The following DOCK4 variants were observed in gnomAD, a reference collection of about 807,000 sequenced individuals.
DOCK4 encodes the protein dedicator of cytokinesis protein 4.
DOCK4 carries 97 observed loss-of-function variants against 268.1 expected under a neutral mutation model. That is an observed-to-expected ratio of 0.36 (90% CI 0.31 to 0.43). The LOEUF (loss-of-function observed/expected upper bound fraction) is 0.43, where lower values mean the gene tolerates loss of function less well. DOCK4 is among the 20% of genes least tolerant of loss of function. The pLI, the probability that DOCK4 is intolerant of heterozygous loss-of-function variation, is 1.00. For missense variants in DOCK4, 2,145 were observed against 2,455.7 expected (o/e 0.87, Z 2.67); for synonymous variants, 954 against 887.2 (o/e 1.08, Z -1.34).
chr7:111,918,166 T>A (rs879185478), intron 12 of DOCK4, among the ~76,000 whole-genome samples: 1 of 152,168 alleles, frequency 6.6e-6, no homozygotes, highest in East Asian at 1.9e-4. Flanking sequence ...CGGAGCTAGA[T>A]GAGGGGCAAT....
chr7:112,108,973 T>C (rs1811385588), intron 1 of DOCK4, among the ~76,000 whole-genome samples: 2 of 152,124 alleles, frequency 1.3e-5, no homozygotes, highest in Non-Finnish European at 2.9e-5. Context: ...GTTTTTTTTT[T>C]ACTGGGGGAG....
chr7:111,863,601 T>C, intron 22 of DOCK4, 37 bp from the exon 23 acceptor site: 1 of 1,539,338 alleles, frequency 6.5e-7, no homozygotes, highest in Non-Finnish European at 8.8e-7. Flanking sequence ...AACTCCCAGA[T>C]ACGCCATGAG....
At chr7:112,145,875 G>C (rs1490847774) in intron 1 of DOCK4, among the ~76,000 whole-genome samples, 1 of 152,088 alleles carries the variant, frequency 6.6e-6, no homozygotes, top group Non-Finnish European at 1.5e-5. Context: ...GAGCAAGTAT[G>C]TAAAAATATA....
At chr7:111,753,824 G>C (rs1342583169) in intron 42 of DOCK4, among the ~76,000 whole-genome samples, 1 of 152,194 alleles carries the variant, frequency 6.6e-6, no homozygotes, top group African/African-American at 2.4e-5. Context: ...TTAAGAGTGG[G>C]CTGTGTTCAG....
intron 49 of DOCK4, among the ~76,000 whole-genome samples, chr7:111,737,991 C>T (rs1795623428): frequency 6.6e-6 from 1 of 152,242 alleles, no homozygotes; most frequent in East Asian, 1.9e-4. Flanking sequence ...AGCCAAATCC[C>T]ACTCTCTCTC....
intron 30 of DOCK4, among the ~76,000 whole-genome samples, chr7:111,793,755 C>T (rs949919652): frequency 6.6e-6 from 1 of 152,236 alleles, no homozygotes; most frequent in Middle Eastern, 3.4e-3. Context: ...TGGTTCAACG[C>T]CTGCAGTCCC....
At chr7:111,852,940 T>A (rs937645620) in intron 23 of DOCK4, among the ~76,000 whole-genome samples, 3 of 152,228 alleles carry the variant, frequency 2.0e-5, no homozygotes, top group African/African-American at 7.2e-5. Context: ...AACAACAGAA[T>A]CTGCCGTGCA....
chr7:111,953,334 AT>A (rs1416815115), intron 8 of DOCK4, among the ~76,000 whole-genome samples: 4 of 152,210 alleles, frequency 2.6e-5, no homozygotes, highest in Non-Finnish European at 4.4e-5. Context: ...GGACGAAGGA[AT>A]AATGAGAAGA....
At chr7:111,736,253 A>T (rs1795464203) in intron 50 of DOCK4, among the ~76,000 whole-genome samples, 1 of 152,100 alleles carries the variant, frequency 6.6e-6, no homozygotes, top group African/African-American at 2.4e-5. Context: ...AACTGCTCTT[A>T]TTTTTGAGGC....
intron 1 of DOCK4, among the ~76,000 whole-genome samples, chr7:112,004,641 T>G (rs952163802): frequency 6.6e-6 from 1 of 152,206 alleles, no homozygotes; most frequent in Non-Finnish European, 1.5e-5. Flanking sequence ...TGCATCCATT[T>G]GCTTACCATT....
chr7:111,815,540 A>C (rs1477763200), intron 27 of DOCK4, among the ~76,000 whole-genome samples: 1 of 152,176 alleles, frequency 6.6e-6, no homozygotes, highest in Non-Finnish European at 1.5e-5. Context: ...GCTCCAACTC[A>C]ATAGTCAAAA....
At chr7:112,036,553 G>T (rs1002807567) in intron 1 of DOCK4, among the ~76,000 whole-genome samples, 2 of 151,872 alleles carry the variant, frequency 1.3e-5, no homozygotes, top group Non-Finnish European at 2.9e-5. Flanking sequence ...TTTATGTTGA[G>T]ATATATATAA....
intron 24 of DOCK4, among the ~76,000 whole-genome samples, chr7:111,845,348 T>G (rs1804017346): frequency 6.6e-6 from 1 of 152,234 alleles, no homozygotes; most frequent in Non-Finnish European, 1.5e-5. Flanking sequence ...AAATGACTAT[T>G]CCTATAAAAA....
chr7:111,986,832 G>C (rs1223760900), intron 6 of DOCK4, among the ~76,000 whole-genome samples: 1 of 152,146 alleles, frequency 6.6e-6, no homozygotes, highest in Admixed American at 6.5e-5. Context: ...CACATCAAGA[G>C]GGCTTCTCTT....
intron 12 of DOCK4, among the ~76,000 whole-genome samples, chr7:111,920,868 C>T (rs1279508676): frequency 2.6e-5 from 4 of 151,596 alleles, no homozygotes; most frequent in East Asian, 1.9e-4. Context: ...AAAATTACCA[C>T]GGAAAGAATT....
intron 50 of DOCK4, 50 bp downstream of exon 50, chr7:111,736,867 A>C: frequency 6.6e-7 from 1 of 1,512,636 alleles, no homozygotes; most frequent in South Asian, 1.2e-5. Flanking sequence ...GAACATGAGG[A>C]TAAAACAAGC....
In DOCK4 at chr7:111,727,252, G is replaced by A. The variant is rs572558972; in HGVS notation, c.*1022C>T. On this transcript the variant is annotated 3_prime_UTR_variant, in exon 53 of 53. Transcript: ENST00000428084. ...GCTAAGACAAACTCCACTGGTAAAA[G>A]TGGAGAGTCGTGAGGAATTTTTTAT... 6.5e-6 allele frequency: 1 copy of A among 152,760 alleles called. No individual in the cohort carries two copies. Among genetic ancestry groups the A allele is most frequent in the South Asian group, 2.1e-4 (1 of 4,834 alleles). 9.5% of individuals were successfully genotyped at this position (152,760 alleles called of 1,614,324 possible). A position where few individuals can be genotyped will look rare whatever the true frequency, so the allele number is the denominator to read the frequency against.
chr7:112,205,960 C>T, intron 1 of DOCK4, 142 bp downstream of exon 1: 2 of 928,028 alleles, frequency 2.2e-6, no homozygotes, highest in Non-Finnish European at 1.6e-6. Flanking sequence ...GGAGCTGGCT[C>T]GGCAAAGCCC....
At chr7:112,186,930 T>A (rs1819533175) in intron 1 of DOCK4, among the ~76,000 whole-genome samples, 1 of 152,182 alleles carries the variant, frequency 6.6e-6, no homozygotes, top group South Asian at 2.1e-4. Flanking sequence ...CCATGGCTAT[T>A]AAAAATAGAT....
Sources: allele counts gnomAD v4.1 joint callset (sites outside exome capture counted in the v4.1 genomes callset), GRCh38; gene constraint gnomAD v4.1.1; transcripts MANE v1.5; gene names NCBI Gene and HGNC (gene_info 2026-07-23, HGNC 2026-07-21).